The following PER2 variants were observed in gnomAD, a reference collection of about 807,000 sequenced individuals.
PER2 encodes period circadian protein homolog 2.
Under a neutral mutation model 121.0 loss-of-function variants are expected in PER2, and 66 were observed. That is an observed-to-expected ratio of 0.55 (90% CI 0.45 to 0.67). The LOEUF (loss-of-function observed/expected upper bound fraction) is 0.67, where lower values mean the gene tolerates loss of function less well. Ranked by LOEUF, PER2 falls within the 30% of genes least tolerant of loss-of-function variation. The pLI is 0.00. For missense variants in PER2, 1,521 were observed against 1,635.0 expected (o/e 0.93, Z 1.20); for synonymous variants, 684 against 659.9 (o/e 1.04, Z -0.56).
At chr2:238,288,613 AGCCGCAGCGGGGCC>A (rs1034047051), upstream of PER2, 5 of 150,858 alleles carry the variant, frequency 3.3e-5, no homozygotes, top group African/African-American at 1.2e-4. Context: ...CGGTTACGTA[AGCCGCAGCGGGGCC>A]GCGCCGCGCC....
chr2:238,246,359 T>G lies in PER2; in HGVS notation c.*16A>C. ...TGGTGTACCTCGCTGGCTGCCGGGC[T>G]GAGGTGGGGCAGGGGTTACGTCTGC... On this transcript the variant is annotated 3_prime_UTR_variant, in exon 23 of 23. Transcript: ENST00000254657. 1 of 1,583,790 alleles carries G rather than the reference T, an allele frequency of 6.3e-7. No individual in the cohort carries two copies. The highest frequency in any genetic ancestry group is 2.3e-5 in the East Asian group (1 of 44,390).
At chr2:238,280,704 G>A (rs1470169734) in intron 1 of PER2, among the ~76,000 whole-genome samples, 3 of 152,078 alleles carry the variant, frequency 2.0e-5, no homozygotes, top group Non-Finnish European at 4.4e-5. Flanking sequence ...AGGACAGCCG[G>A]GTTTTACCTG....
Position 238,267,188 on chromosome 2 carries a change from C to T in PER2, c.967+868G>A, listed in dbSNP as rs1053931907. On this transcript the variant is annotated intron_variant, in intron 8 of 22. Transcript: ENST00000254657. Reference sequence around the variant, plus strand: ...CAGAGAATCTGGAGATCATGTGACTCGCTCAGCAGCCAAGGTGAGCACCTA... The same window carrying T: ...CAGAGAATCTGGAGATCATGTGACTTGCTCAGCAGCCAAGGTGAGCACCTA... Among the ~76,000 whole-genome samples, 3 of 152,170 alleles carry T rather than the reference C, an allele frequency of 2.0e-5. 1 individual carries two copies. Among genetic ancestry groups the T allele is most frequent in the East Asian group, 3.9e-4 (2 of 5,190 alleles).
intron 4 of PER2, 67 bp downstream of exon 4, chr2:238,275,676 G>T: frequency 1.3e-6 from 2 of 1,512,916 alleles, no homozygotes; most frequent in Non-Finnish European, 1.8e-6. Context: ...CACAATCCAA[G>T]CTATAATTTG....
In PER2 at chr2:238,277,833, C is replaced by T; in HGVS notation, c.104G>A (p.Ser35Asn). ...QVPLQEDVDM[S>N]SGSSGHETNE... ...GGTCTCATGTCCACTGGAGCCACTG[C>T]TCATGTCCACATCTTCCTGCAGTGG... Residue 35 changes from serine to asparagine, a missense_variant, in exon 2 of 23, where the codon AGC (serine) becomes AAC (asparagine). By Grantham distance (46) the Ser-to-Asn change is conservative (BLOSUM62 1). Transcript: ENST00000254657. The T allele has an allele frequency of 6.2e-7, 1 of 1,614,236 alleles. No homozygotes were observed. Among genetic ancestry groups the T allele is most frequent in the Non-Finnish European group, 8.5e-7 (1 of 1,180,050 alleles).
chr2:238,272,552 T>C (rs1696321992), intron 5 of PER2, among the ~76,000 whole-genome samples: 1 of 152,216 alleles, frequency 6.6e-6, no homozygotes, highest in African/African-American at 2.4e-5. Flanking sequence ...CCAGCACATG[T>C]GGGATCCCCA....
chr2:238,277,852 G>C lies in PER2; in HGVS notation c.85C>G (p.Gln29Glu). The change falls in exon 2 of 23, where the codon CAG (glutamine) becomes GAG (glutamate). Residue 29 changes from glutamine to glutamate, a missense_variant. Transcript: ENST00000254657. ...CCACTGCTCATGTCCACATCTTCCTGCAGTGGGACCTGGCTGGGCTGGGGC... is the reference window on the plus strand; with the variant it reads ...CCACTGCTCATGTCCACATCTTCCTCCAGTGGGACCTGGCTGGGCTGGGGC... ...VEPQPSQVPLQEDVDMSSGSS... is the reference protein window; with the variant it reads ...VEPQPSQVPLEEDVDMSSGSS... 6.2e-7 allele frequency: 1 copy of C among 1,614,214 alleles called. No individual in the cohort carries two copies. The highest frequency in any genetic ancestry group is 1.1e-5 in the South Asian group (1 of 91,082).
At chr2:238,280,250 C>T (rs1212370468) in intron 1 of PER2, among the ~76,000 whole-genome samples, 2 of 152,212 alleles carry the variant, frequency 1.3e-5, no homozygotes, top group Admixed American at 1.3e-4. Flanking sequence ...TTCCCCAGGT[C>T]GAGCCCATTC....
chr2:238,260,462 C>T (rs1695893511), intron 13 of PER2, among the ~76,000 whole-genome samples: 1 of 152,072 alleles, frequency 6.6e-6, no homozygotes, highest in South Asian at 2.1e-4. Context: ...CACCACCTTG[C>T]CCAGGCTGTT....
At chr2:238,278,987 G>T (rs1021865879) in intron 1 of PER2, among the ~76,000 whole-genome samples, 1 of 152,096 alleles carries the variant, frequency 6.6e-6, no homozygotes, top group Non-Finnish European at 1.5e-5. Context: ...TAGGTGGGTG[G>T]AGTGGCTGAA....
At chr2:238,265,823 C>T (rs1037572279) in intron 8 of PER2, among the ~76,000 whole-genome samples, 6 of 151,942 alleles carry the variant, frequency 3.9e-5, no homozygotes, top group Admixed American at 6.6e-5. Context: ...TCTAGTAAAT[C>T]GAAACTGCCG....
chr2:238,260,375 G>A (rs1253114010), intron 13 of PER2, among the ~76,000 whole-genome samples: 1 of 151,824 alleles, frequency 6.6e-6, no homozygotes, highest in Non-Finnish European at 1.5e-5. Context: ...TCCTGCCTCA[G>A]CCTCCCGAGT....
At chr2:238,293,422 A>G (rs1035182625), upstream of PER2, among the ~76,000 whole-genome samples, 3 of 152,174 alleles carry the variant, frequency 2.0e-5, no homozygotes, top group Non-Finnish European at 4.4e-5. Context: ...ATTTGCTATC[A>G]TGTCACTTGA....
In PER2 at chr2:238,245,430, A is replaced by G. The variant is rs1208432928; in HGVS notation, c.*945T>C. ...GTCGCAAGCTGTCAGACTGAGTGGC[A>G]GTGGCTGCTCTCGGCCAGGAGATGT... On this transcript the variant is annotated 3_prime_UTR_variant, in exon 23 of 23. Coordinates refer to ENST00000254657, the MANE Select transcript of PER2 (RefSeq NM_022817.3). 6 of 396,794 alleles carry G rather than the reference A, an allele frequency of 1.5e-5. No homozygotes were observed. The highest frequency in any genetic ancestry group is 2.2e-5 in the Non-Finnish European group (5 of 225,354). The allele number at this position is 396,794 out of a possible 1,614,324, so 24.6% of individuals were successfully genotyped here.
chr2:238,275,952 TG>T, intron 3 of PER2, 55 bp from the exon 4 acceptor site: 2 of 1,583,584 alleles, frequency 1.3e-6, no homozygotes, highest in South Asian at 2.2e-5. Flanking sequence ...TGTCCTTTCC[TG>T]AAGAAACGTG....
intron 8 of PER2, among the ~76,000 whole-genome samples, chr2:238,267,075 G>C (rs1336571532): frequency 6.8e-6 from 1 of 146,270 alleles, no homozygotes; most frequent in African/African-American, 2.6e-5. Flanking sequence ...AAAAAAAGCT[G>C]TCATTCACCA....
chr2:238,295,354 C>G, the PER2 span: 1 of 151,688 alleles, frequency 6.6e-6, no homozygotes, highest in South Asian at 2.1e-4. Context: ...TCCTTCCCCT[C>G]CTTCTTCTAC....
At chr2:238,286,320 C>A (rs372669517) in intron 1 of PER2, among the ~76,000 whole-genome samples, 36 of 152,306 alleles carry the variant, frequency 2.4e-4, no homozygotes, top group Admixed American at 1.2e-3. Context: ...GGGTTCAGCA[C>A]GGCAGCTCAC....
Position 238,246,239 on chromosome 2 carries a change from G to T in PER2, c.*136C>A, listed in dbSNP as rs979088669. ...AGTCGCCCCTTCAGAAAACTATGTT[G>T]TTTTTTTTTCTAAAACAAAAAAAGC... On this transcript the variant is annotated 3_prime_UTR_variant, in exon 23 of 23. Coordinates refer to ENST00000254657, the MANE Select transcript of PER2 (RefSeq NM_022817.3). 3.7e-5 allele frequency: 21 copies of T among 563,308 alleles called. No homozygotes were observed. The highest frequency in any genetic ancestry group is 5.1e-4 in the Middle Eastern group (1 of 1,958). The allele number at this position is 563,308 out of a possible 1,614,324, so 34.9% of individuals were successfully genotyped here.
Sources: gnomAD v4.1 joint callset for allele counts (sites outside exome capture counted in the v4.1 genomes callset) on GRCh38, gnomAD v4.1.1 for gene constraint, MANE v1.5 for transcripts, NCBI Gene and HGNC (gene_info 2026-07-23, HGNC 2026-07-21) for gene names.